The following MROH2A variants were observed in gnomAD, a reference collection of about 807,000 sequenced individuals.
MROH2A encodes the protein maestro heat-like repeat-containing protein family member 2A.
Under a neutral mutation model 200.4 loss-of-function variants are expected in MROH2A, and 174 were observed. That is an observed-to-expected ratio of 0.87 (90% CI 0.77 to 0.98). MROH2A has a LOEUF of 0.98. Among genes scored for constraint, MROH2A ranks in the 50% least tolerant of loss-of-function variants. The probability of loss-of-function intolerance (pLI) is 0.00; values close to 1 mark genes in which losing one functional copy is unlikely to be tolerated. For synonymous variants in MROH2A, 829 were observed against 840.4 expected (o/e 0.99, Z 0.23); for missense variants, 2,045 against 2,139.6 (o/e 0.96, Z 0.87).
Position 233,822,471 on chromosome 2 carries a change from C to T in MROH2A, c.3781C>T (p.His1261Tyr), listed in dbSNP as rs533412123. ...YTLLLQLGSS[H>Y]RPEAAPPVLK... ...CCTCCTGCTGCAGCTTGGAAGCAGC[C>T]ACCGACCAGAGGCCGCCCCGCCGGT... The change falls in exon 33 of 42, where the codon CAC becomes TAC. Residue 1261 changes from histidine to tyrosine, a missense_variant. Around this residue, in one of 3 missense-constraint regions of MROH2A, gnomAD observed 1,201 missense variants for 1,311.3 expected, o/e 0.92. Coordinates refer to ENST00000389758, the MANE Select transcript of MROH2A (RefSeq NM_001394639.1). 3.1e-5 allele frequency: 48 copies of T among 1,550,744 alleles called. No homozygotes were observed. The South Asian group carries it at 5.7e-4, about 18-fold the overall frequency.
intron 35 of MROH2A, among the ~76,000 whole-genome samples, chr2:233,826,219 G>A (rs550971925): frequency 9.9e-5 from 15 of 152,240 alleles, no homozygotes; most frequent in African/African-American, 2.6e-4. Context: ...CACCACGCCC[G>A]ACCACCTCTT....
intron 23 of MROH2A, 82 bp downstream of exon 23, chr2:233,810,998 T>C: frequency 1.4e-6 from 2 of 1,471,940 alleles, no homozygotes; most frequent in East Asian, 2.5e-5. Context: ...TCAAAGTTCC[T>C]GAGGGCATCT....
intron 37 of MROH2A, 130 bp from the exon 38 acceptor site, chr2:233,829,490 A>C: frequency 1.1e-6 from 1 of 902,402 alleles, no homozygotes; most frequent in Non-Finnish European, 1.5e-6. Context: ...CAAAGGAGAG[A>C]CTACACCCTG....
upstream of MROH2A, among the ~76,000 whole-genome samples, chr2:233,776,432 T>C (rs2126072365): frequency 6.6e-6 from 1 of 150,796 alleles, no homozygotes; most frequent in African/African-American, 2.4e-5. Context: ...CTTGGCTCAC[T>C]GCAACCTCCG....
intron 3 of MROH2A, among the ~76,000 whole-genome samples, chr2:233,782,232 T>C (rs1314866497): frequency 6.6e-6 from 1 of 152,158 alleles, no homozygotes; most frequent in African/African-American, 2.4e-5. Context: ...GTAAAAATTG[T>C]CTGTAAAGAA....
intron 38 of MROH2A, 61 bp from the exon 39 acceptor site, chr2:233,831,348 A>T: frequency 6.8e-7 from 1 of 1,477,936 alleles, no homozygotes; most frequent in Non-Finnish European, 9.0e-7. Context: ...TGCCAGCCTC[A>T]CCCCTCTGGG....
chr2:233,812,063 C>G, intron 24 of MROH2A, 104 bp downstream of exon 24: 1 of 805,542 alleles, frequency 1.2e-6, no homozygotes, highest in East Asian at 2.7e-5. Flanking sequence ...TCCTCTCCTC[C>G]CTCTGTAGCA....
At chr2:233,790,421 CTTT>C (rs1701646684) in intron 5 of MROH2A, among the ~76,000 whole-genome samples, 1 of 93,646 alleles carries the variant, frequency 1.1e-5, no homozygotes, top group Non-Finnish European at 2.1e-5. Context: ...CCTTCCTCCC[CTTT>C]TCTTCTCTCC....
intron 37 of MROH2A, 100 bp downstream of exon 37, chr2:233,829,172 C>T (rs1051234538): frequency 8.5e-7 from 1 of 1,170,044 alleles, no homozygotes. Flanking sequence ...AGAGCCGAGG[C>T]TCCTGCTGGG....
In MROH2A at chr2:233,818,143, A is replaced by G. The variant is rs28946899; in HGVS notation, c.3085+18A>G. On this transcript the variant is annotated intron_variant, in intron 28 of 41. Coordinates refer to ENST00000389758, the MANE Select transcript of MROH2A (RefSeq NM_001394639.1). ...TCTTCACGGTATGAGAGGGCAGGAC[A>G]TGAGGACCAGCTCCTCTGGGAGGGA... 1.3e-4 allele frequency: 203 copies of G among 1,549,576 alleles called. No individual in the cohort carries two copies. The African/African-American group carries it at 2.6e-3, about 20-fold the overall frequency.
At chr2:233,788,981 C>G (rs1190286959) in intron 3 of MROH2A, among the ~76,000 whole-genome samples, 1 of 138,438 alleles carries the variant, frequency 7.2e-6, no homozygotes, top group Non-Finnish European at 1.5e-5. Flanking sequence ...AGTAACTTGT[C>G]ATGCCTGATT....
At chr2:233,804,354 G>A (rs1702660501) in intron 17 of MROH2A, 141 bp from the exon 18 acceptor site, 3 of 1,307,564 alleles carry the variant, frequency 2.3e-6, no homozygotes, top group Non-Finnish European at 1.1e-6. Flanking sequence ...GGGAAGGTGA[G>A]GAGTGCAATG....
At position 233,807,688 on chromosome 2, in the gene MROH2A, C is replaced by T. The variant is rs986143487; in HGVS notation, c.2173-45C>T. 5.8e-6 allele frequency: 9 copies of T among 1,550,124 alleles called. No homozygotes were observed. The highest frequency in any genetic ancestry group is 1.4e-5 in the African/African-American group (1 of 73,038). On this transcript the variant is annotated intron_variant, in intron 20 of 41. Transcript: ENST00000389758. The surrounding 1 kb of genome is among the most constrained non-coding windows in gnomAD (Gnocchi z 4.3). The stretch of plus-strand genomic sequence containing the variant: ...GTGTGTGTGTGGGATCCTCCTCTGC[C>T]CACTGGCCCCTGCCCTCACCCTGGC...
chr2:233,785,447 G>A (rs1415785851), intron 3 of MROH2A, among the ~76,000 whole-genome samples: 1 of 137,330 alleles, frequency 7.3e-6, no homozygotes, highest in Non-Finnish European at 1.5e-5. Context: ...TAGCCTGGGT[G>A]ACAGAGCGAG....
intron 30 of MROH2A, among the ~76,000 whole-genome samples, 166 bp downstream of exon 30, chr2:233,819,635 C>T (rs1309343280): frequency 6.6e-6 from 1 of 152,228 alleles, no homozygotes; most frequent in Non-Finnish European, 1.5e-5. Context: ...TAGAAAGAAG[C>T]GTGTTGAAGG....
chr2:233,819,354 C>G lies in MROH2A; in HGVS notation c.3242C>G (p.Ser1081Trp). 1 of 1,550,462 alleles carries G rather than the reference C, an allele frequency of 6.4e-7. No individual in the cohort carries two copies. Among genetic ancestry groups the G allele is most frequent in the Non-Finnish European group, 8.7e-7 (1 of 1,146,856 alleles). ...CMEFSCDEVV[S>W]LIQKLCENTG... is the part of the protein sequence containing the mutation. ...GAGTTTAGCTGCGATGAGGTGGTCT[C>G]GCTCATCCAGAAGCTCTGCGAGAAC... The change falls in exon 30 of 42, where the codon TCG becomes TGG. Residue 1081 changes from serine (S) to tryptophan (W), a missense_variant. This residue lies in a region of MROH2A where 1,201 missense variants were observed against 1,311.3 expected (regional missense o/e 0.92). Transcript: ENST00000389758.
At chr2:233,823,530 G>T in intron 34 of MROH2A, 26 bp from the exon 35 acceptor site, 1 of 1,540,708 alleles carries the variant, frequency 6.5e-7, no homozygotes, top group South Asian at 1.2e-5. Flanking sequence ...CCGCCTCCAC[G>T]ACCTGGCACT....
intron 2 of MROH2A, 100 bp downstream of exon 2, chr2:233,779,552 T>A (rs1700832466): frequency 1.4e-6 from 2 of 1,390,778 alleles, no homozygotes; most frequent in South Asian, 1.3e-5. Context: ...ATCTGCACAG[T>A]GGACATCATA....
chr2:233,792,479 A>AT (rs1225954463), intron 5 of MROH2A, among the ~76,000 whole-genome samples: 5 of 151,668 alleles, frequency 3.3e-5, no homozygotes, highest in South Asian at 2.1e-4. Context: ...CGCCCGGCCA[A>AT]TTTTTTGTAT....
Sources: allele counts gnomAD v4.1 joint callset (sites outside exome capture counted in the v4.1 genomes callset), GRCh38; gene constraint gnomAD v4.1.1; regional missense constraint gnomAD v4.1.1; non-coding constraint Gnocchi (gnomAD v3.1); transcripts MANE v1.5; gene names NCBI Gene and HGNC (gene_info 2026-07-23, HGNC 2026-07-21).